The following IQSEC2 variants were observed in gnomAD, a reference collection of about 807,000 sequenced individuals.
IQSEC2 encodes IQ motif and Sec7 domain ArfGEF 2.
Under a neutral mutation model 74.6 loss-of-function variants are expected in IQSEC2, and 6 were observed. The observed-to-expected ratio is 0.08, with a 90% CI of 0.04 to 0.16. IQSEC2 has a LOEUF of 0.16. Among genes scored for constraint, IQSEC2 ranks in the 10% least tolerant of loss-of-function variants. The probability of loss-of-function intolerance (pLI) is 1.00; values close to 1 mark genes in which losing one functional copy is unlikely to be tolerated. For synonymous variants in IQSEC2, 494 were observed against 544.5 expected (o/e 0.91, Z 1.29); for missense variants, 734 against 1,306.2 (o/e 0.56, Z 6.75).
At chrX:53,263,597 T>C (rs1001918819) in intron 2 of IQSEC2, among the ~76,000 whole-genome samples, 5 of 109,844 alleles carry the variant, frequency 4.6e-5, no homozygotes, top group Middle Eastern at 4.6e-3. Context: ...TCTTCCTTTG[T>C]TTCTTCTGCC....
At chrX:53,260,081 C>T (rs2074546388) in intron 2 of IQSEC2, among the ~76,000 whole-genome samples, 1 of 111,790 alleles carries the variant, frequency 8.9e-6, no homozygotes, top group Non-Finnish European at 1.9e-5. Context: ...AAGAAAGAAA[C>T]AAGTAAATAT....
At chrX:53,299,185 T>C (rs1225628023) in intron 1 of IQSEC2, among the ~76,000 whole-genome samples, 1 of 110,590 alleles carries the variant, frequency 9.0e-6, no homozygotes, top group African/African-American at 3.3e-5. Context: ...ATGCTGGGAT[T>C]ACAGGCATAG....
intron 4 of IQSEC2, among the ~76,000 whole-genome samples, chrX:53,253,945 T>TC (rs1556864321): frequency 1.8e-5 from 2 of 112,158 alleles, no homozygotes; most frequent in African/African-American, 6.5e-5. Flanking sequence ...GTGAGAACTT[T>TC]TTTCTTATTT....
intron 2 of IQSEC2, chrX:53,279,325 A>C (rs1008933526): frequency 5.1e-6 from 2 of 395,224 alleles, no homozygotes; most frequent in Non-Finnish European, 8.8e-6. Flanking sequence ...AGGACCAACC[A>C]CTCAGGCCTT....
intron 4 of IQSEC2, among the ~76,000 whole-genome samples, chrX:53,252,619 C>A (rs1164329491): frequency 9.0e-6 from 1 of 110,927 alleles, no homozygotes; most frequent in African/African-American, 3.3e-5. Context: ...ACTGCCAGCC[C>A]CAGTCTAATC....
At chrX:53,261,139 T>A (rs2074562036) in intron 2 of IQSEC2, among the ~76,000 whole-genome samples, 1 of 111,443 alleles carries the variant, frequency 9.0e-6, no homozygotes, top group Non-Finnish European at 1.9e-5. Flanking sequence ...GCACTGGGGA[T>A]GTGGAATCCC....
intron 1 of IQSEC2, among the ~76,000 whole-genome samples, chrX:53,311,626 T>C (rs782351044): frequency 8.9e-6 from 1 of 112,161 alleles, no homozygotes; most frequent in Admixed American, 9.5e-5. Context: ...CAGTTTAAAA[T>C]GCTACTTGGC....
At chrX:53,286,339 TTACAAGTGTTTGCCTCTGAGCCGACCA>T (rs2075025102) in intron 2 of IQSEC2, among the ~76,000 whole-genome samples, 1 of 112,339 alleles carries the variant, frequency 8.9e-6, no homozygotes, top group Non-Finnish European at 1.9e-5. Context: ...AAAAACAATC[TTACAAGTGTTTGCCTCTGAGCCGACCA>T]GCTCTGACCT....
At chrX:53,291,200 C>T (rs976275224) in intron 2 of IQSEC2, among the ~76,000 whole-genome samples, 9 of 110,827 alleles carry the variant, frequency 8.1e-5, no homozygotes, top group African/African-American at 2.6e-4. Flanking sequence ...TGGGGTAAGG[C>T]CTGGGAAATG....
In IQSEC2 at chrX:53,235,841, A is replaced by G; in HGVS notation, c.3452-9T>C. ...ACGCCGCCCCCGCTTCCCTGCACCCACAAGCAAGGAGCCCAGCGTCAGAGC... is the reference window on the plus strand; with the variant it reads ...ACGCCGCCCCCGCTTCCCTGCACCCGCAAGCAAGGAGCCCAGCGTCAGAGC... On this transcript the variant is annotated splice_polypyrimidine_tract_variant and intron_variant, in intron 13 of 14. Coordinates refer to ENST00000642864, the MANE Select transcript of IQSEC2 (RefSeq NM_001111125.3). The G allele has an allele frequency of 8.6e-7, 1 of 1,160,566 alleles. No homozygotes were observed. Among genetic ancestry groups the G allele is most frequent in the Non-Finnish European group, 1.2e-6 (1 of 868,354 alleles).
chrX:53,250,837 T>C lies in IQSEC2; in HGVS notation c.1739A>G (p.Glu580Gly). ...AGCCCGCAGCCGGAAATCCCGGCAC[T>C]CCAAGCACCCGGGACCCCTGCGAGT... ...EGTRRGPGCLECRDFRLRAAH... is the reference protein window; with the variant it reads ...EGTRRGPGCLGCRDFRLRAAH... The change falls in exon 5 of 15, where the codon GAG becomes GGG. Residue 580 changes from glutamate to glycine, a missense_variant. This residue lies in a region of IQSEC2 where 204 missense variants were observed against 305.4 expected (regional missense o/e 0.67). Coordinates refer to ENST00000642864, the MANE Select transcript of IQSEC2 (RefSeq NM_001111125.3). 8.3e-7 allele frequency: 1 copy of C among 1,209,508 alleles called. No homozygotes were observed. The highest frequency in any genetic ancestry group is 1.1e-6 in the Non-Finnish European group (1 of 894,074).
chrX:53,242,578 T>C (rs1225623189), intron 9 of IQSEC2, among the ~76,000 whole-genome samples: 2 of 111,397 alleles, frequency 1.8e-5, no homozygotes, highest in Non-Finnish European at 3.8e-5. Context: ...ATTATATGTG[T>C]CTTTGTTTCA....
intron 1 of IQSEC2, among the ~76,000 whole-genome samples, chrX:53,298,710 C>G (rs1556874867): frequency 9.0e-6 from 1 of 111,538 alleles, no homozygotes; most frequent in African/African-American, 3.3e-5. Flanking sequence ...TCTGGAACTC[C>G]TATTGTTGGC....
rs782754738 is a variant in IQSEC2 at position 53,250,707 on chromosome X, A to C, written c.1869T>G (p.Ala623=). The change falls in exon 5 of 15, where the codon GCT becomes GCG. Residue 623 remains alanine, a synonymous_variant. Coordinates refer to ENST00000642864, the MANE Select transcript of IQSEC2 (RefSeq NM_001111125.3). ...GSVHRQLVYE[A]DGCSPHGTLK... Reference sequence around the variant, plus strand: ...GGGTCCCATGGGGGCTGCAGCCATCAGCCTCATACACCAGCTGGCGGTGGA... The same window carrying C: ...GGGTCCCATGGGGGCTGCAGCCATCCGCCTCATACACCAGCTGGCGGTGGA... 1.2e-5 allele frequency: 15 copies of C among 1,211,398 alleles called. No individual in the cohort carries two copies. The South Asian group carries it at 2.6e-4, about 21-fold the overall frequency.
At chrX:53,239,316 G>A (rs1275234259) in intron 10 of IQSEC2, 22 bp from the exon 11 acceptor site, 1 of 1,047,483 alleles carries the variant, frequency 9.5e-7, no homozygotes, top group Non-Finnish European at 1.3e-6. Context: ...GTGGGAAAAA[G>A]ACAAGAGGCA....
At chrX:53,276,672 C>G (rs1239946457) in intron 2 of IQSEC2, among the ~76,000 whole-genome samples, 5 of 111,949 alleles carry the variant, frequency 4.5e-5, no homozygotes, top group Non-Finnish European at 9.4e-5. Context: ...TTTGATGATT[C>G]TCTTTGGTTT....
intron 1 of IQSEC2, among the ~76,000 whole-genome samples, chrX:53,294,666 AC>A (rs1178868754): frequency 2.7e-5 from 3 of 111,125 alleles, no homozygotes; most frequent in African/African-American, 9.8e-5. Flanking sequence ...TTTCTTCAGA[AC>A]CCCAAAGTTT....
chrX:53,255,961 G>T lies in IQSEC2; in HGVS notation c.838C>A (p.His280Asn), dbSNP rs1556865090. ...RLSQLPPSSS[H>N]MGGPPAGVGL... ...ACTCCAGCAGGGGGGCCCCCCATGT[G>T]GCTGCTGGAGGGGGGCAGCTGGCTC... The change falls in exon 3 of 15, where the codon CAC becomes AAC. Residue 280 changes from histidine (H) to asparagine (N), a missense_variant. Physicochemically the swap from His to Asn is moderately conservative, Grantham distance 68. Transcript: ENST00000642864. 8.4e-7 allele frequency: 1 copy of T among 1,193,444 alleles called. No homozygotes were observed. The highest frequency in any genetic ancestry group is 1.7e-5 in the African/African-American group (1 of 57,167).
rs374638286 is a variant in IQSEC2, at chrX:53,255,962, G to A, written c.837C>T (p.Ser279=). ...CTCCAGCAGGGGGGCCCCCCATGTG[G>A]CTGCTGGAGGGGGGCAGCTGGCTCA... The part of the protein sequence containing the change: ...YRLSQLPPSS[S]HMGGPPAGVG... The change falls in exon 3 of 15, where the codon AGC becomes AGT. Residue 279 remains serine, a synonymous_variant. Coordinates refer to ENST00000642864, the MANE Select transcript of IQSEC2 (RefSeq NM_001111125.3). 9.0e-5 allele frequency: 107 copies of A among 1,193,434 alleles called. No homozygotes were observed. The African/African-American group carries it at 1.3e-3, about 14-fold the overall frequency.
Sources: gnomAD v4.1 joint callset for allele counts (sites outside exome capture counted in the v4.1 genomes callset) on GRCh38, gnomAD v4.1.1 for gene constraint, gnomAD v4.1.1 regional missense constraint, MANE v1.5 for transcripts, NCBI Gene and HGNC (gene_info 2026-07-23, HGNC 2026-07-21) for gene names.